TRABD2B: variants seen among roughly 807,000 people sequenced by gnomAD.
TRABD2B encodes TraB domain containing 2B.
In TRABD2B, 14 loss-of-function variants were observed where a neutral mutation model predicts 40.1. The ratio of observed to expected loss-of-function variants is 0.35; its 90% CI spans 0.23 to 0.55. The LOEUF is 0.55. Ranked by LOEUF, TRABD2B falls within the 20% of genes least tolerant of loss-of-function variation. The pLI is 0.90. For synonymous variants in TRABD2B, 263 were observed against 277.0 expected (o/e 0.95, Z 0.50); for missense variants, 541 against 648.6 (o/e 0.83, Z 1.80).
In TRABD2B at chr1:47,794,436, T is replaced by A. The variant is rs1644716660; in HGVS notation, c.988+150A>T. On this transcript the variant is annotated intron_variant, in intron 4 of 6. Coordinates refer to ENST00000606738, the MANE Select transcript of TRABD2B (RefSeq NM_001194986.2). Reference sequence around the variant, plus strand: ...CTTGACCCGAATCAGGAGAACTGCCTTGGATCTCGGTGCTGCTGCTAAGCA... The same window carrying A: ...CTTGACCCGAATCAGGAGAACTGCCATGGATCTCGGTGCTGCTGCTAAGCA... 7 of 845,276 alleles carry A rather than the reference T, an allele frequency of 8.3e-6. No individual in the cohort carries two copies. The South Asian group carries it at 1.8e-4, about 21-fold the overall frequency. The allele number at this position is 845,276 out of a possible 1,614,324, so 52.4% of individuals were successfully genotyped here.
At chr1:47,955,915 G>A (rs573501340) in intron 2 of TRABD2B, among the ~76,000 whole-genome samples, 1 of 152,256 alleles carries the variant, frequency 6.6e-6, no homozygotes, top group Non-Finnish European at 1.5e-5. Context: ...TAAGCAGCCT[G>A]TACCTCCTAG....
intron 2 of TRABD2B, among the ~76,000 whole-genome samples, chr1:47,884,127 C>T (rs1406149545): frequency 6.6e-6 from 1 of 152,214 alleles, no homozygotes; most frequent in Non-Finnish European, 1.5e-5. Flanking sequence ...TCATTAGGTG[C>T]CCAGTCCATA....
At chr1:47,914,757 G>A (rs779251411) in intron 2 of TRABD2B, among the ~76,000 whole-genome samples, 11 of 152,242 alleles carry the variant, frequency 7.2e-5, no homozygotes, top group Non-Finnish European at 1.6e-4. Flanking sequence ...ATCGGAACCA[G>A]GTCTTGGTAG....
intron 2 of TRABD2B, among the ~76,000 whole-genome samples, chr1:47,970,956 C>T (rs1235639069): frequency 6.6e-6 from 1 of 152,174 alleles, no homozygotes; most frequent in East Asian, 1.9e-4. Context: ...GTACACTTAG[C>T]CCACCAGAAA....
At chr1:47,892,417 G>A (rs1247622619) in intron 2 of TRABD2B, among the ~76,000 whole-genome samples, 1 of 152,218 alleles carries the variant, frequency 6.6e-6, no homozygotes, top group Non-Finnish European at 1.5e-5. Context: ...CTAGAGATGT[G>A]TATTTGCCAC....
At chr1:47,880,603 G>C (rs374440906) in intron 2 of TRABD2B, among the ~76,000 whole-genome samples, 9 of 152,236 alleles carry the variant, frequency 5.9e-5, no homozygotes, top group African/African-American at 2.2e-4. Context: ...GGAACTGTCC[G>C]GGGAGGTGTC....
chr1:47,897,708 T>TAC (rs149841486), intron 2 of TRABD2B, among the ~76,000 whole-genome samples: 13 of 151,568 alleles, frequency 8.6e-5, no homozygotes, highest in East Asian at 1.9e-4. Context: ...CACACAGGTG[T>TAC]ACACACACAC....
intron 2 of TRABD2B, among the ~76,000 whole-genome samples, chr1:47,820,782 CCACACACACACACACACACA>C (rs56348753): frequency 6.8e-6 from 1 of 147,110 alleles, no homozygotes; most frequent in Non-Finnish European, 1.5e-5. Flanking sequence ...TTCACACACA[CCACACACACACACACACACA>C]CACACACACA....
At chr1:47,841,786 CTT>C (rs780669674) in intron 2 of TRABD2B, among the ~76,000 whole-genome samples, 13 of 136,404 alleles carry the variant, frequency 9.5e-5, no homozygotes, top group Admixed American at 1.5e-4. Context: ...TTTTCTTTTT[CTT>C]TTTTTTTTTT....
intron 2 of TRABD2B, among the ~76,000 whole-genome samples, chr1:47,990,010 T>C (rs1445247640): frequency 2.0e-5 from 3 of 152,192 alleles, no homozygotes; most frequent in African/African-American, 7.2e-5. Context: ...TTAGAGATAA[T>C]GTAATTATGA....
chr1:47,997,334 C>T lies in TRABD2B; in HGVS notation c.-545G>A. 1 of 472,624 alleles carries T rather than the reference C, an allele frequency of 2.1e-6. No individual in the cohort carries two copies. The highest frequency in any genetic ancestry group is 2.7e-6 in the Non-Finnish European group (1 of 366,106). The allele number at this position is 472,624 out of a possible 1,614,324, so 29.3% of individuals were successfully genotyped here. On this transcript the variant is annotated 5_prime_UTR_variant, in exon 1 of 7. Coordinates refer to ENST00000606738, the MANE Select transcript of TRABD2B (RefSeq NM_001194986.2). Reference sequence around the variant, plus strand: ...AGAGGGGCGGCGGGCGGCCGCGCGGCCGCTGCCCGGGCTCCGCCATGCTGC... The same window carrying T: ...AGAGGGGCGGCGGGCGGCCGCGCGGTCGCTGCCCGGGCTCCGCCATGCTGC...
At chr1:47,919,206 T>A (rs1644868571) in intron 2 of TRABD2B, among the ~76,000 whole-genome samples, 1 of 152,228 alleles carries the variant, frequency 6.6e-6, no homozygotes, top group Admixed American at 6.5e-5. Flanking sequence ...GACAATTATC[T>A]GAACAAATGA....
intron 2 of TRABD2B, among the ~76,000 whole-genome samples, chr1:47,858,858 G>A (rs1002999026): frequency 3.3e-5 from 5 of 152,188 alleles, no homozygotes; most frequent in African/African-American, 7.2e-5. Context: ...TCAGGATGGC[G>A]GCCTGGTGGA....
chr1:47,828,015 GC>G (rs1227621517), intron 2 of TRABD2B, among the ~76,000 whole-genome samples: 2 of 152,186 alleles, frequency 1.3e-5, no homozygotes, highest in African/African-American at 2.4e-5. Context: ...TTCAGCCCGG[GC>G]ATCTCAGGCT....
At chr1:47,889,256 G>C (rs1369123710) in intron 2 of TRABD2B, among the ~76,000 whole-genome samples, 1 of 152,198 alleles carries the variant, frequency 6.6e-6, no homozygotes, top group African/African-American at 2.4e-5. Context: ...AGGATCGCTG[G>C]CTTGGATCCC....
intron 2 of TRABD2B, among the ~76,000 whole-genome samples, chr1:47,977,689 A>AG (rs1174220605): frequency 1.3e-5 from 2 of 151,710 alleles, no homozygotes; most frequent in Non-Finnish European, 2.9e-5. Context: ...TGAAAAAAAA[A>AG]AAAAAACACA....
chr1:47,816,542 T>G (rs1286166583), intron 2 of TRABD2B, among the ~76,000 whole-genome samples: 1 of 152,170 alleles, frequency 6.6e-6, no homozygotes, highest in Non-Finnish European at 1.5e-5. Flanking sequence ...TGCTGGTCCT[T>G]CTGCCCGGTA....
At position 47,794,821 on chromosome 1, in the gene TRABD2B, G is replaced by T. The variant is rs1276224961; in HGVS notation, c.814-61C>A. On this transcript the variant is annotated intron_variant, in intron 3 of 6. Coordinates refer to ENST00000606738, the MANE Select transcript of TRABD2B (RefSeq NM_001194986.2). ...TTTTTTTTTTTTTTTTTGATAAAGG[G>T]TGTTACTGTCACCCAGGTTGGAGTG... 5.8e-6 allele frequency: 8 copies of T among 1,368,794 alleles called. No individual in the cohort carries two copies. The Admixed American group carries it at 2.2e-4, about 38-fold the overall frequency. The allele number at this position is 1,368,794 out of a possible 1,614,324, so 84.8% of individuals were successfully genotyped here.
intron 2 of TRABD2B, among the ~76,000 whole-genome samples, chr1:47,936,383 G>A (rs1450521828): frequency 6.6e-6 from 1 of 152,158 alleles, no homozygotes; most frequent in Non-Finnish European, 1.5e-5. Context: ...GGGTGCTGGA[G>A]CAGAAAAACA....
Sources: allele counts gnomAD v4.1 joint callset (sites outside exome capture counted in the v4.1 genomes callset), GRCh38; gene constraint gnomAD v4.1.1; transcripts MANE v1.5; gene names NCBI Gene and HGNC (gene_info 2026-07-23, HGNC 2026-07-21).